Variants in CDK14 observed in about 807,000 individuals in gnomAD.
The protein encoded by CDK14 is cyclin dependent kinase 14, also known as cyclin-dependent kinase 14.
Under a neutral mutation model 60.7 loss-of-function variants are expected in CDK14, and 34 were observed. The ratio of observed to expected loss-of-function variants is 0.56; its 90% CI spans 0.43 to 0.75. The LOEUF (loss-of-function observed/expected upper bound fraction) is 0.75, where lower values mean the gene tolerates loss of function less well. Ranked by LOEUF, CDK14 falls within the 30% of genes least tolerant of loss-of-function variation. The pLI, the probability that CDK14 is intolerant of heterozygous loss-of-function variation, is 0.00. For synonymous variants in CDK14, 197 were observed against 203.7 expected, an observed-to-expected ratio of 0.97 and a Z score of 0.28; for missense variants, 482 against 564.1, an observed-to-expected ratio of 0.85 and a Z score of 1.47.
At chr7:90,996,978 C>T (rs1795704447) in intron 10 of CDK14, among the ~76,000 whole-genome samples, 1 of 152,196 alleles carries the variant, frequency 6.6e-6, no homozygotes, top group Admixed American at 6.5e-5. Context: ...TGCTATTAAA[C>T]TTCTGTGTCT....
Position 91,108,174 on chromosome 7 carries a change from G to A in CDK14, c.1155-4368G>A, listed in dbSNP as rs374599619. ...AATACAAAAATTAGCCAGGCATGGT[G>A]GCGCAAGCCTGTACTCTCAGCCACT... On this transcript the variant is annotated intron_variant, in intron 12 of 14. Coordinates refer to ENST00000380050, the MANE Select transcript of CDK14 (RefSeq NM_001287135.2). 3.3e-5 allele frequency among the ~76,000 whole-genome samples: 5 copies of A among 152,312 alleles called. No individual in the cohort carries two copies. In the East Asian group the frequency reaches 9.7e-4, roughly 29 times the overall value.
chr7:90,597,808 G>A (rs1799227096), intron 1 of CDK14, among the ~76,000 whole-genome samples: 1 of 149,064 alleles, frequency 6.7e-6, no homozygotes, highest in African/African-American at 2.5e-5. Flanking sequence ...AAGTGAGAGA[G>A]TACAATGGAT....
At chr7:91,083,732 G>A (rs1197292504) in intron 12 of CDK14, among the ~76,000 whole-genome samples, 1 of 152,156 alleles carries the variant, frequency 6.6e-6, no homozygotes, top group African/African-American at 2.4e-5. Context: ...ACCTAAAATA[G>A]GAGATGCTTT....
At chr7:90,732,067 C>T (rs1802888339) in intron 3 of CDK14, among the ~76,000 whole-genome samples, 1 of 152,128 alleles carries the variant, frequency 6.6e-6, no homozygotes, top group African/African-American at 2.4e-5. Flanking sequence ...TGAATTTTGT[C>T]AAAGGCCCTT....
At chr7:91,004,506 T>C (rs1795927493) in intron 10 of CDK14, among the ~76,000 whole-genome samples, 1 of 152,174 alleles carries the variant, frequency 6.6e-6, no homozygotes, top group Non-Finnish European at 1.5e-5. Context: ...CCTAAAGGTG[T>C]GTGAGCAAGG....
At position 90,643,039 on chromosome 7, in the gene CDK14, A is replaced by G. The variant is rs867242592; in HGVS notation, c.123+38790A>G. Among the ~76,000 whole-genome samples, 5 of 152,226 alleles carry G rather than the reference A, an allele frequency of 3.3e-5. No individual in the cohort carries two copies. In the South Asian group the frequency reaches 1.0e-3, roughly 32 times the overall value. ...TGGGGAAATAATTACAGTAGGTAAC[A>G]TGAAGGCGTCAAGTATGAAAAGGTG... On this transcript the variant is annotated intron_variant, in intron 2 of 14. Transcript: ENST00000380050.
chr7:90,748,187 C>T (rs913240947), intron 4 of CDK14, among the ~76,000 whole-genome samples: 1 of 152,168 alleles, frequency 6.6e-6, no homozygotes, highest in African/African-American at 2.4e-5. Context: ...TTTACTCCAT[C>T]TTTCAGAAGT....
intron 14 of CDK14, among the ~76,000 whole-genome samples, chr7:91,202,891 C>CTT (rs1802775274): frequency 6.6e-6 from 1 of 152,140 alleles, no homozygotes; most frequent in African/African-American, 2.4e-5. Context: ...ACATATTATC[C>CTT]TTTATTATGC....
chr7:90,694,068 C>T (rs1801608824), intron 2 of CDK14, among the ~76,000 whole-genome samples: 1 of 152,184 alleles, frequency 6.6e-6, no homozygotes, highest in Non-Finnish European at 1.5e-5. Flanking sequence ...GGAAGGAAGA[C>T]TGGATGACTG....
intron 9 of CDK14, among the ~76,000 whole-genome samples, chr7:90,968,240 C>A (rs189593075): frequency 1.3e-5 from 2 of 151,992 alleles, no homozygotes; most frequent in East Asian, 3.9e-4. Flanking sequence ...ATGTTGTATC[C>A]TTAGATTCCT....
At chr7:90,633,255 C>T (rs1020663631) in intron 2 of CDK14, among the ~76,000 whole-genome samples, 1 of 152,072 alleles carries the variant, frequency 6.6e-6, no homozygotes, top group Non-Finnish European at 1.5e-5. Flanking sequence ...TGTCTCAAAA[C>T]TCTGTATGTT....
chr7:90,775,135 G>C (rs1804963014), intron 4 of CDK14, among the ~76,000 whole-genome samples: 1 of 152,160 alleles, frequency 6.6e-6, no homozygotes, highest in African/African-American at 2.4e-5. Context: ...CTCTGCTCAA[G>C]AAACAGAAAC....
rs143808763 is a variant in CDK14, at chr7:90,806,854, G to A, written c.544+16202G>A. Among the ~76,000 whole-genome samples, 1,229 of 151,972 alleles carry A rather than the reference G, an allele frequency of 8.1e-3. 24 individuals carry two copies. Among genetic ancestry groups the A allele is most frequent in the African/African-American group, 0.028 (1,180 of 41,428 alleles). On this transcript the variant is annotated intron_variant, in intron 5 of 14. Coordinates refer to ENST00000380050, the MANE Select transcript of CDK14 (RefSeq NM_001287135.2). ...CTGGCTCTGAGGGTCCTACACCCGC[G>A]GAGCCTCACTCATTGCTAGCACAGC...
chr7:90,871,020 A>G (rs1187228078), intron 6 of CDK14, among the ~76,000 whole-genome samples: 2 of 152,150 alleles, frequency 1.3e-5, no homozygotes, highest in East Asian at 1.9e-4. Context: ...TGTCCAAAGC[A>G]TGTTGATCAA....
intron 10 of CDK14, among the ~76,000 whole-genome samples, chr7:90,995,179 G>T (rs1795648926): frequency 6.6e-6 from 1 of 152,158 alleles, no homozygotes; most frequent in African/African-American, 2.4e-5. Flanking sequence ...GTTACTTCTT[G>T]CTCACTTTGT....
At chr7:90,639,880 G>A (rs1800275188) in intron 2 of CDK14, among the ~76,000 whole-genome samples, 1 of 152,116 alleles carries the variant, frequency 6.6e-6, no homozygotes, top group South Asian at 2.1e-4. Flanking sequence ...AGACTGCTGT[G>A]CTAGCAATCG....
intron 2 of CDK14, among the ~76,000 whole-genome samples, chr7:90,605,936 A>C (rs544386151): frequency 6.6e-6 from 1 of 152,336 alleles, no homozygotes; most frequent in African/African-American, 2.4e-5. Context: ...CTGAAGGTTA[A>C]AGATGTGTCA....
At chr7:90,920,259 A>T (rs1277593075) in intron 8 of CDK14, among the ~76,000 whole-genome samples, 1 of 152,098 alleles carries the variant, frequency 6.6e-6, no homozygotes, top group Non-Finnish European at 1.5e-5. Context: ...AAGAGCTTTA[A>T]AAATGGTTTC....
At chr7:91,113,129 C>T (rs191466841) in intron 13 of CDK14, among the ~76,000 whole-genome samples, 3 of 152,322 alleles carry the variant, frequency 2.0e-5, no homozygotes, top group Admixed American at 6.5e-5. Context: ...CTGCAGTACA[C>T]AGAGGAGCCG....
Sources: allele counts gnomAD v4.1 joint callset (sites outside exome capture counted in the v4.1 genomes callset), GRCh38; gene constraint gnomAD v4.1.1; transcripts MANE v1.5; gene names NCBI Gene and HGNC (gene_info 2026-07-23, HGNC 2026-07-21).